The following RRBP1 variants were observed in gnomAD, a reference collection of about 807,000 sequenced individuals.
RRBP1 encodes the protein ribosome-binding protein 1.
A neutral mutation model predicts 165.2 loss-of-function variants in RRBP1; 94 were observed. The observed-to-expected ratio is 0.57, with a 90% confidence interval of 0.48 to 0.68. The LOEUF (loss-of-function observed/expected upper bound fraction) is 0.68, where lower values mean the gene tolerates loss of function less well. Ranked by LOEUF, RRBP1 falls within the 30% of genes least tolerant of loss-of-function variation. The probability of loss-of-function intolerance (pLI) is 0.00; values close to 1 mark genes in which losing one functional copy is unlikely to be tolerated. For synonymous variants in RRBP1, 680 were observed against 714.5 expected, an observed-to-expected ratio of 0.95 and a Z score of 0.77; for missense variants, 1,676 against 1,763.0, an observed-to-expected ratio of 0.95 and a Z score of 0.88.
In RRBP1 at chr20:17,620,683, C is replaced by T. The variant is rs758800685; in HGVS notation, c.3507+32G>A. Reference sequence around the variant, plus strand: ...TCTCCCCTGGGCTTCATGTGCTCCACGGCGCCGGGAGGCAGGCAGGGCTGC... The same window carrying T: ...TCTCCCCTGGGCTTCATGTGCTCCATGGCGCCGGGAGGCAGGCAGGGCTGC... On this transcript the variant is annotated intron_variant, in intron 17 of 24. Transcript: ENST00000377813. 59 of 1,545,514 alleles carry T rather than the reference C, an allele frequency of 3.8e-5. No homozygotes were observed. The Middle Eastern group carries it at 8.3e-4, about 22-fold the overall frequency.
chr20:17,635,272 TA>T, intron 7 of RRBP1, among the ~76,000 whole-genome samples: 1 of 152,134 alleles, frequency 6.6e-6, no homozygotes, highest in East Asian at 1.9e-4. Flanking sequence ...CCCTCCCTAG[TA>T]CCAGTGCATC....
intron 2 of RRBP1, among the ~76,000 whole-genome samples, chr20:17,664,358 A>T (rs886517659): frequency 1.1e-4 from 16 of 152,214 alleles, no homozygotes; most frequent in African/African-American, 3.9e-4. Flanking sequence ...TTCTTTCTGA[A>T]ATTTTCCATT....
At chr20:17,645,135 C>T (rs1209317242) in intron 3 of RRBP1, among the ~76,000 whole-genome samples, 1 of 152,202 alleles carries the variant, frequency 6.6e-6, no homozygotes, top group Non-Finnish European at 1.5e-5. Flanking sequence ...TTAAAGACCA[C>T]CCTTCCAGGC....
At chr20:17,636,477 C>G (rs912949731) in intron 6 of RRBP1, 100 bp downstream of exon 6, 2 of 1,410,720 alleles carry the variant, frequency 1.4e-6, no homozygotes, top group African/African-American at 2.8e-5. Flanking sequence ...TCCTCAACCC[C>G]CTCCTCATGC....
intron 2 of RRBP1, among the ~76,000 whole-genome samples, chr20:17,670,881 A>T (rs1001808467): frequency 6.6e-6 from 1 of 152,060 alleles, no homozygotes; most frequent in African/African-American, 2.4e-5. Context: ...CATTCCGCAA[A>T]ATTCTCAGTC....
At chr20:17,623,114 T>TCTATCTG in intron 13 of RRBP1, 1 of 152,394 alleles carries the variant, frequency 6.6e-6, no homozygotes, top group South Asian at 2.1e-4. Context: ...TCTGGATGTG[T>TCTATCTG]GACCACAATC....
chr20:17,616,786 A>G lies in RRBP1; in HGVS notation c.3813T>C (p.Ala1271=). Reference sequence around the variant, plus strand: ...CCTCTGGGGAGGAAGCTGGGGCCCCAGCTATGTCACCATCCTCTACGTGGC... The same window carrying G: ...CCTCTGGGGAGGAAGCTGGGGCCCCGGCTATGTCACCATCCTCTACGTGGC... ...MKSHVEDGDI[A]GAPASSPEAP... is the part of the protein sequence containing the mutation. Residue 1271 remains alanine, a synonymous_variant, in exon 21 of 25, where the codon GCT becomes GCC. Transcript: ENST00000377813. 6.2e-7 allele frequency: 1 copy of G among 1,613,096 alleles called. No homozygotes were observed. The highest frequency in any genetic ancestry group is 8.5e-7 in the Non-Finnish European group (1 of 1,179,696).
chr20:17,658,852 C>A lies in RRBP1; in HGVS notation c.1656G>T (p.Ser552=). 1 of 1,613,908 alleles carries A rather than the reference C, an allele frequency of 6.2e-7. No individual in the cohort carries two copies. The highest frequency in any genetic ancestry group is 8.5e-7 in the Non-Finnish European group (1 of 1,179,898). ...GAPIQGKKAD[S]VANQGTKVEG... is the part of the protein sequence containing the mutation. ...CTACCTTTGTGCCCTGATTAGCAACCGAATCTGCCTTTTTGCCCTGGATGG... is the reference window on the plus strand; with the variant it reads ...CTACCTTTGTGCCCTGATTAGCAACAGAATCTGCCTTTTTGCCCTGGATGG... Residue 552 remains serine (S), a synonymous_variant, in exon 3 of 25, where the codon TCG becomes TCT. Transcript: ENST00000377813.
intron 2 of RRBP1, among the ~76,000 whole-genome samples, chr20:17,676,411 G>A (rs955414759): frequency 8.8e-5 from 13 of 147,804 alleles, no homozygotes; most frequent in African/African-American, 2.9e-4. Flanking sequence ...TCATTTTATA[G>A]GAGGGAGAAA....
intron 2 of RRBP1, among the ~76,000 whole-genome samples, chr20:17,661,323 T>A (rs2036762362): frequency 6.6e-6 from 1 of 152,194 alleles, no homozygotes; most frequent in African/African-American, 2.4e-5. Context: ...AGCCTGCAAT[T>A]TGCATGTTGG....
intron 8 of RRBP1, among the ~76,000 whole-genome samples, chr20:17,632,229 C>T (rs1319816589): frequency 6.6e-6 from 1 of 152,166 alleles, no homozygotes; most frequent in African/African-American, 2.4e-5. Context: ...AATCCTCTGC[C>T]CAGCCCCAGG....
chr20:17,658,545 C>T, intron 3 of RRBP1, 51 bp downstream of exon 3: 1 of 1,465,266 alleles, frequency 6.8e-7, no homozygotes, highest in Non-Finnish European at 9.2e-7. Flanking sequence ...ATCCATAAGT[C>T]ATTTAAAGAC....
intron 9 of RRBP1, 21 bp downstream of exon 9, chr20:17,629,802 C>G: frequency 6.3e-7 from 1 of 1,587,288 alleles, no homozygotes; most frequent in East Asian, 2.2e-5. Flanking sequence ...GAACCCCCGG[C>G]CCCACTGCCG....
Position 17,627,328 on chromosome 20 carries a change from A to C in RRBP1, c.2963+20T>G. Reference sequence around the variant, plus strand: ...CGGGCTGAGGCTCAAGTGAGCAGGCAGGCTGCTTCCCCAGCTTACCGAGTC... The same window carrying C: ...CGGGCTGAGGCTCAAGTGAGCAGGCCGGCTGCTTCCCCAGCTTACCGAGTC... On this transcript the variant is annotated intron_variant, in intron 11 of 24. Transcript: ENST00000377813. 6.2e-7 allele frequency: 1 copy of C among 1,612,254 alleles called. No homozygotes were observed. The highest frequency in any genetic ancestry group is 8.5e-7 in the Non-Finnish European group (1 of 1,179,674).
At chr20:17,681,180 G>A (rs1227911659) in intron 1 of RRBP1, among the ~76,000 whole-genome samples, 1 of 149,844 alleles carries the variant, frequency 6.7e-6, no homozygotes, top group Non-Finnish European at 1.5e-5. Flanking sequence ...GGCACCGCCG[G>A]CCCATTCATC....
At position 17,643,939 on chromosome 20, in the gene RRBP1, A is replaced by C. The variant is rs2036415468; in HGVS notation, c.1913-812T>G. On this transcript the variant is annotated intron_variant, in intron 3 of 24. Coordinates refer to ENST00000377813, the MANE Select transcript of RRBP1 (RefSeq NM_001365613.2). This position sits in a 1 kb window ranked among gnomAD's most constrained non-coding sequence, Gnocchi z 4.3. ...CCTCGGAAGCAAGAAAGGGTGAACC[A>C]AGATGCCACGCCTGAGTGCCTGGAC... Among the ~76,000 whole-genome samples, 1 of 152,280 alleles carries C rather than the reference A, an allele frequency of 6.6e-6. No homozygotes were observed. Among genetic ancestry groups the C allele is most frequent in the East Asian group, 1.9e-4 (1 of 5,180 alleles).
intron 2 of RRBP1, 36 bp from the exon 3 acceptor site, chr20:17,660,564 A>C: frequency 3.1e-6 from 4 of 1,304,846 alleles, no homozygotes; most frequent in Non-Finnish European, 4.3e-6. Context: ...ATTTATAGAA[A>C]TCAAGGCCTT....
intron 5 of RRBP1, among the ~76,000 whole-genome samples, chr20:17,638,105 G>A (rs956105896): frequency 2.6e-5 from 4 of 152,174 alleles, no homozygotes; most frequent in Middle Eastern, 3.2e-3. Context: ...GAAGCCCCTG[G>A]GGAAAGGGAG....
At chr20:17,628,375 C>T (rs1404831236) in intron 9 of RRBP1, among the ~76,000 whole-genome samples, 5 of 152,196 alleles carry the variant, frequency 3.3e-5, no homozygotes, top group African/African-American at 1.2e-4. Flanking sequence ...GAGCCCACAC[C>T]CGCCATCTGT....
Sources: allele counts gnomAD v4.1 joint callset (sites outside exome capture counted in the v4.1 genomes callset), GRCh38; gene constraint gnomAD v4.1.1; non-coding constraint Gnocchi (gnomAD v3.1); transcripts MANE v1.5; gene names NCBI Gene and HGNC (gene_info 2026-07-23, HGNC 2026-07-21).